The following TBC1D5 variants were observed in gnomAD, a reference collection of about 807,000 sequenced individuals.
TBC1D5 encodes the protein TBC1 domain family, member 5.
Under a neutral mutation model 100.3 loss-of-function variants are expected in TBC1D5, and 75 were observed. The ratio of observed to expected loss-of-function variants is 0.75; its 90% CI spans 0.62 to 0.91. The LOEUF is 0.91. Among genes scored for constraint, TBC1D5 ranks in the 40% least tolerant of loss-of-function variants. TBC1D5 has a pLI of 0.00. For missense variants in TBC1D5, 910 were observed against 942.4 expected (o/e 0.97, Z 0.45); for synonymous variants, 323 against 325.6 (o/e 0.99, Z 0.09).
Position 17,433,365 on chromosome 3 carries a change from A to G in TBC1D5, c.98-4846T>C, listed in dbSNP as rs193113455. Reference sequence around the variant, plus strand: ...AAGTTTAATTGACTCGCAGTTCCACATGCCTGGGAAGGCCTCAGGAAACTT... The same window carrying G: ...AAGTTTAATTGACTCGCAGTTCCACGTGCCTGGGAAGGCCTCAGGAAACTT... On this transcript the variant is annotated intron_variant, in intron 3 of 21. Transcript: ENST00000253692. 3.9e-3 allele frequency among the ~76,000 whole-genome samples: 588 copies of G among 152,324 alleles called. 3 individuals carry two copies. The highest frequency in any genetic ancestry group is 3.4e-3 in the Middle Eastern group (1 of 294).
intron 13 of TBC1D5, among the ~76,000 whole-genome samples, chr3:17,356,366 A>G (rs1221870477): frequency 6.6e-6 from 1 of 152,084 alleles, no homozygotes; most frequent in Non-Finnish European, 1.5e-5. Context: ...ATGCCCCCCA[A>G]GTTCTTTCTA....
At chr3:17,397,389 T>A (rs564273935) in intron 8 of TBC1D5, among the ~76,000 whole-genome samples, 171 of 152,246 alleles carry the variant, frequency 1.1e-3, no homozygotes, top group African/African-American at 3.8e-3. Flanking sequence ...TACTTTTTTT[T>A]AAGACAGGAT....
intron 2 of TBC1D5, among the ~76,000 whole-genome samples, chr3:17,515,816 A>G (rs777841560): frequency 6.6e-6 from 1 of 152,206 alleles, no homozygotes; most frequent in Non-Finnish European, 1.5e-5. Flanking sequence ...CTAGTAAGGA[A>G]AGCAAGTAAT....
At chr3:17,632,340 G>A (rs1180001168) in intron 1 of TBC1D5, among the ~76,000 whole-genome samples, 1 of 152,078 alleles carries the variant, frequency 6.6e-6, no homozygotes, top group African/African-American at 2.4e-5. Context: ...TCTTATGGAT[G>A]AGCAAAAAAG....
intron 1 of TBC1D5, among the ~76,000 whole-genome samples, chr3:17,626,961 T>C (rs538264335): frequency 2.6e-5 from 4 of 152,204 alleles, no homozygotes; most frequent in South Asian, 2.1e-4. Flanking sequence ...AAGCAGGAGA[T>C]TGTCTGGGTA....
At chr3:17,619,753 T>A (rs138604353) in intron 2 of TBC1D5, among the ~76,000 whole-genome samples, 187 of 152,196 alleles carry the variant, frequency 1.2e-3, no homozygotes, top group African/African-American at 4.3e-3. Context: ...AGGACAAAAA[T>A]ACATGAGAAG....
At chr3:17,406,841 A>C in intron 4 of TBC1D5, 1 of 223,126 alleles carries the variant, frequency 4.5e-6, no homozygotes. Context: ...ATAATATATG[A>C]CTCTTTTAGC....
chr3:17,226,055 C>T (rs1179921815), intron 17 of TBC1D5, among the ~76,000 whole-genome samples: 2 of 151,618 alleles, frequency 1.3e-5, no homozygotes, highest in African/African-American at 4.9e-5. Context: ...AACTGTATTT[C>T]CTCTGGAGAT....
At chr3:17,437,628 GA>G (rs1559884555) in intron 3 of TBC1D5, among the ~76,000 whole-genome samples, 19 of 47,116 alleles carry the variant, frequency 4.0e-4, no homozygotes, top group Non-Finnish European at 1.1e-3. Flanking sequence ...GAGGTAGAGA[GA>G]GAGAGAGAGA....
intron 9 of TBC1D5, among the ~76,000 whole-genome samples, chr3:17,377,181 T>A (rs1052599362): frequency 3.3e-5 from 5 of 152,214 alleles, no homozygotes; most frequent in African/African-American, 9.6e-5. Context: ...ACATGTTTAA[T>A]CAGAAAACTA....
At chr3:17,196,039 CA>C (rs2070643514) in intron 18 of TBC1D5, among the ~76,000 whole-genome samples, 1 of 152,178 alleles carries the variant, frequency 6.6e-6, no homozygotes, top group Non-Finnish European at 1.5e-5. Context: ...GCACAACACA[CA>C]AAACCCTCAA....
At chr3:17,453,903 A>G (rs2094987145) in intron 3 of TBC1D5, among the ~76,000 whole-genome samples, 1 of 152,226 alleles carries the variant, frequency 6.6e-6, no homozygotes, top group Non-Finnish European at 1.5e-5. Context: ...TACATTAAAA[A>G]GGTCATTCAT....
chr3:17,282,440 TGG>T (rs2149935632), intron 15 of TBC1D5, among the ~76,000 whole-genome samples: 2 of 152,350 alleles, frequency 1.3e-5, no homozygotes, highest in South Asian at 4.1e-4. Flanking sequence ...TGGAGGAGAT[TGG>T]TTTGTAGATT....
intron 1 of TBC1D5, among the ~76,000 whole-genome samples, chr3:17,723,606 G>A (rs1194986586): frequency 1.3e-5 from 2 of 152,122 alleles, no homozygotes; most frequent in Non-Finnish European, 2.9e-5. Context: ...TTTGAACTCT[G>A]CCAGTACACT....
At chr3:17,509,587 G>T (rs929606204) in intron 2 of TBC1D5, among the ~76,000 whole-genome samples, 1 of 151,792 alleles carries the variant, frequency 6.6e-6, no homozygotes, top group African/African-American at 2.4e-5. Context: ...TCTGACATTT[G>T]TTTATTGTCT....
intron 16 of TBC1D5, among the ~76,000 whole-genome samples, chr3:17,247,729 T>A (rs1045473803): frequency 6.6e-6 from 1 of 152,244 alleles, no homozygotes; most frequent in Non-Finnish European, 1.5e-5. Context: ...TTGGAGTCAA[T>A]CCCTTCAAAC....
rs1553700543 is a variant in TBC1D5, at chr3:17,352,692, A to AAAAAAAC, written c.995+19382_995+19383insGTTTTTT. 6.1e-4 allele frequency among the ~76,000 whole-genome samples: 91 copies of AAAAAAAC among 149,462 alleles called. 1 individual carries two copies. The highest frequency in any genetic ancestry group is 6.6e-4 in the Admixed American group (10 of 15,098). On this transcript the variant is annotated intron_variant, in intron 13 of 21. Coordinates refer to ENST00000253692, the Ensembl canonical transcript of TBC1D5. ...AATACAAAGCAAAAGGCAAAAAAAA[A>AAAAAAAC]AAAAAAACAAAAAAACCTACTGTGC...
At chr3:17,658,956 C>A (rs148595455) in intron 1 of TBC1D5, among the ~76,000 whole-genome samples, 7 of 152,264 alleles carry the variant, frequency 4.6e-5, no homozygotes, top group Admixed American at 3.9e-4. Flanking sequence ...CTGCGCCCAG[C>A]CAGTTATGGT....
intron 3 of TBC1D5, among the ~76,000 whole-genome samples, chr3:17,454,976 A>G (rs2095024368): frequency 6.6e-6 from 1 of 151,990 alleles, no homozygotes; most frequent in African/African-American, 2.4e-5. Flanking sequence ...TTCCATGTTC[A>G]TGGATTGGAA....
Sources: allele counts gnomAD v4.1 joint callset (sites outside exome capture counted in the v4.1 genomes callset), GRCh38; gene constraint gnomAD v4.1.1; transcripts MANE v1.5; gene names NCBI Gene and HGNC (gene_info 2026-07-23, HGNC 2026-07-21).